The following RIN2 variants were observed in gnomAD, a reference collection of about 807,000 sequenced individuals.
RIN2 encodes the protein Ras and Rab interactor 2.
A neutral mutation model predicts 78.0 loss-of-function variants in RIN2; 36 were observed. The observed-to-expected ratio is 0.46, with a 90% CI of 0.35 to 0.61. The LOEUF is 0.61. Among genes scored for constraint, RIN2 ranks in the 20% least tolerant of loss-of-function variants. The probability of loss-of-function intolerance (pLI) is 0.00; values close to 1 mark genes in which losing one functional copy is unlikely to be tolerated. For missense variants in RIN2, 1,087 were observed against 1,159.7 expected, an observed-to-expected ratio of 0.94 and a Z score of 0.91; for synonymous variants, 466 against 466.8, an observed-to-expected ratio of 1.00 and a Z score of 0.02.
intron 3 of RIN2, among the ~76,000 whole-genome samples, chr20:19,890,534 G>A (rs574104571): frequency 8.5e-5 from 13 of 152,200 alleles, no homozygotes; most frequent in South Asian, 2.1e-4. Flanking sequence ...GGAGGAAGAC[G>A]GAGGAGATTT....
At chr20:19,942,584 T>C (rs539074659) in intron 4 of RIN2, among the ~76,000 whole-genome samples, 1 of 152,266 alleles carries the variant, frequency 6.6e-6, no homozygotes, top group Non-Finnish European at 1.5e-5. Flanking sequence ...TTTTGATTGT[T>C]TGTTGGGTTG....
At chr20:19,821,113 G>A (rs1006061490) in intron 2 of RIN2, among the ~76,000 whole-genome samples, 10 of 152,056 alleles carry the variant, frequency 6.6e-5, no homozygotes, top group Admixed American at 2.0e-4. Flanking sequence ...GATCCTGCCC[G>A]CTTTAACTCT....
At chr20:19,835,829 T>C (rs1384053483) in intron 2 of RIN2, among the ~76,000 whole-genome samples, 2 of 152,180 alleles carry the variant, frequency 1.3e-5, no homozygotes, top group Admixed American at 1.3e-4. Context: ...CATGAACTTG[T>C]TTAATTGCAG....
At chr20:19,813,430 G>A (rs12481299) in intron 2 of RIN2, among the ~76,000 whole-genome samples, 19,163 of 152,186 alleles carry the variant, frequency 0.13, 1,464 homozygotes, top group African/African-American at 0.21. Flanking sequence ...CACCGAATAC[G>A]TACCAGATAC....
chr20:19,923,469 T>TAAAATAAAATAAAATAAAATA (rs144067000), intron 3 of RIN2, among the ~76,000 whole-genome samples: 6 of 97,156 alleles, frequency 6.2e-5, no homozygotes, highest in African/African-American at 2.6e-4. Flanking sequence ...TAAAATAAAA[T>TAAAATAAAATAAAATAAAATA]AAATAAAATA....
chr20:19,848,534 CAA>C (rs11352724), intron 2 of RIN2, among the ~76,000 whole-genome samples: 42 of 52,810 alleles, frequency 8.0e-4, no homozygotes, highest in Admixed American at 1.7e-3. Flanking sequence ...GACTCCATCT[CAA>C]AAAAAAAAAA....
intron 9 of RIN2, among the ~76,000 whole-genome samples, chr20:19,987,949 C>A (rs112273094): frequency 2.6e-4 from 40 of 152,126 alleles, no homozygotes; most frequent in Non-Finnish European, 5.1e-4. Flanking sequence ...GTGGGGTCAG[C>A]GTTAACTTTT....
Position 19,970,822 on chromosome 20 carries a change from T to G in RIN2, c.537-16T>G. ...ACATGTAATTACAAACATTCTCTCT[T>G]TTTCTGAACAATCAGGGATGTTCTA... On this transcript the variant is annotated splice_polypyrimidine_tract_variant and intron_variant, in intron 7 of 12. Transcript: ENST00000255006. The G allele has an allele frequency of 6.3e-7, 1 of 1,590,718 alleles. No individual in the cohort carries two copies. Among genetic ancestry groups the G allele is most frequent in the Middle Eastern group, 1.7e-4 (1 of 6,016 alleles).
At chr20:19,926,343 A>C (rs2040219980) in intron 3 of RIN2, among the ~76,000 whole-genome samples, 1 of 152,172 alleles carries the variant, frequency 6.6e-6, no homozygotes, top group African/African-American at 2.4e-5. Flanking sequence ...CAAAGTTAAA[A>C]GAAAAGAAGC....
At chr20:19,854,690 T>C (rs1039375686) in intron 2 of RIN2, among the ~76,000 whole-genome samples, 4 of 152,200 alleles carry the variant, frequency 2.6e-5, no homozygotes, top group African/African-American at 9.7e-5. Flanking sequence ...TTGTCTGTTA[T>C]TGGTGTATAA....
At chr20:19,907,336 C>A (rs912434667) in intron 3 of RIN2, among the ~76,000 whole-genome samples, 2 of 152,174 alleles carry the variant, frequency 1.3e-5, no homozygotes, top group Admixed American at 1.3e-4. Flanking sequence ...GAGGACACAG[C>A]CCAATCATAG....
chr20:19,972,850 C>T (rs1259670578), intron 8 of RIN2, among the ~76,000 whole-genome samples: 2 of 152,158 alleles, frequency 1.3e-5, no homozygotes, highest in Non-Finnish European at 2.9e-5. Context: ...TAAGGCTAAT[C>T]TGTGTGTAAT....
chr20:19,896,307 G>GCCT (rs2038721485), intron 3 of RIN2, among the ~76,000 whole-genome samples: 1 of 152,120 alleles, frequency 6.6e-6, no homozygotes, highest in Admixed American at 6.5e-5. Flanking sequence ...TCCTGCCTCA[G>GCCT]CCTCCCAAGT....
intron 3 of RIN2, among the ~76,000 whole-genome samples, chr20:19,899,684 T>A (rs2038895300): frequency 6.6e-6 from 1 of 152,196 alleles, no homozygotes; most frequent in Non-Finnish European, 1.5e-5. Context: ...CATTGTCAAA[T>A]GGTTCTCTTC....
intron 2 of RIN2, 135 bp from the exon 3 acceptor site, chr20:19,889,431 C>T (rs879140347): frequency 8.8e-7 from 1 of 1,130,094 alleles, no homozygotes; most frequent in Non-Finnish European, 1.2e-6. Flanking sequence ...AGATGTAAGG[C>T]CTTGGTGGGA....
intron 2 of RIN2, chr20:19,889,283 G>T (rs1237467311): frequency 1.8e-6 from 2 of 1,110,164 alleles, no homozygotes; most frequent in African/African-American, 3.3e-5. Flanking sequence ...TCAGCAGGAG[G>T]TGAAACACAC....
intron 2 of RIN2, among the ~76,000 whole-genome samples, chr20:19,835,131 GAAGGA>G (rs1464534595): frequency 4.9e-5 from 5 of 101,160 alleles, no homozygotes; most frequent in African/African-American, 1.6e-4. Context: ...AGGAAGAAAG[GAAGGA>G]AGGGAGGGAG....
rs1229583994 is a variant in RIN2 at position 19,974,872 on chromosome 20, G to C, written c.847G>C (p.Asp283His). The C allele has an allele frequency of 6.2e-7, 1 of 1,614,014 alleles. No individual in the cohort carries two copies. The highest frequency in any genetic ancestry group is 8.5e-7 in the Non-Finnish European group (1 of 1,179,898). ...NPLFLKVHSQDLSGGLKRPST... is the reference protein window; with the variant it reads ...NPLFLKVHSQHLSGGLKRPST... ...CCTTTTCTTGAAAGTGCACAGCCAG[G>C]ACCTCAGTGGAGGCCTGAAACGGCC... The change falls in exon 9 of 13, where the codon GAC (aspartate) becomes CAC (histidine). Residue 283 changes from aspartate (D) to histidine (H), a missense_variant. By Grantham distance (81) the Asp-to-His change is moderately conservative (BLOSUM62 -1). Transcript: ENST00000255006.
At chr20:19,818,614 A>G (rs1165316062) in intron 2 of RIN2, among the ~76,000 whole-genome samples, 1 of 151,952 alleles carries the variant, frequency 6.6e-6, no homozygotes, top group Non-Finnish European at 1.5e-5. Context: ...TGCCTGTAAT[A>G]CCAGCTACTT....
Sources: gnomAD v4.1 joint callset for allele counts (sites outside exome capture counted in the v4.1 genomes callset) on GRCh38, gnomAD v4.1.1 for gene constraint, MANE v1.5 for transcripts, NCBI Gene and HGNC (gene_info 2026-07-23, HGNC 2026-07-21) for gene names.